The following WLS variants were observed in gnomAD, a reference collection of about 807,000 sequenced individuals.
WLS encodes the protein protein wntless homolog.
In WLS, 23 loss-of-function variants were observed where a neutral mutation model predicts 62.8. That is an observed-to-expected ratio of 0.37 (90% CI 0.26 to 0.52). The LOEUF (loss-of-function observed/expected upper bound fraction) is 0.52, where lower values mean the gene tolerates loss of function less well. Among genes scored for constraint, WLS ranks in the 20% least tolerant of loss-of-function variants. The pLI is 0.92. For missense variants in WLS, 615 were observed against 697.3 expected, an observed-to-expected ratio of 0.88 and a Z score of 1.33; for synonymous variants, 246 against 244.1, an observed-to-expected ratio of 1.01 and a Z score of -0.07.
chr1:68,110,842 T>C (rs775636565), intron 11 of WLS, among the ~76,000 whole-genome samples: 1 of 152,054 alleles, frequency 6.6e-6, no homozygotes, highest in Non-Finnish European at 1.5e-5. Flanking sequence ...GTTATCCATA[T>C]AGGAAAAAAA....
chr1:68,145,880 G>T lies in WLS; in HGVS notation c.1267C>A (p.Leu423Ile). The T allele has an allele frequency of 6.2e-7, 1 of 1,614,168 alleles. No individual in the cohort carries two copies. The highest frequency in any genetic ancestry group is 8.5e-7 in the Non-Finnish European group (1 of 1,180,028). The change falls in exon 9 of 12, where the codon CTA (leucine) becomes ATA (isoleucine). Residue 423 changes from leucine to isoleucine, a missense_variant. Leu to Ile is a conservative substitution (Grantham distance 5). Transcript: ENST00000262348. ...AGAAATCTGCCCACCTCATAGTGTA[G>T]CCGCCGGACTTTGCTCATAGCTGGC... ...SLPAMSKVRR[L>I]HYEGLIFRFK... is the part of the protein sequence containing the mutation.
chr1:68,170,683 C>A (rs1325484688), intron 2 of WLS, among the ~76,000 whole-genome samples: 1 of 150,024 alleles, frequency 6.7e-6, no homozygotes, highest in African/African-American at 2.5e-5. Context: ...CTCTTGCCTT[C>A]TTTTACTCAC....
chr1:68,129,180 C>T (rs1212293664), intron 11 of WLS, among the ~76,000 whole-genome samples: 2 of 152,020 alleles, frequency 1.3e-5, no homozygotes, highest in African/African-American at 4.8e-5. Flanking sequence ...AAAAATTAAC[C>T]GGGTGTGGTG....
intron 5 of WLS, 119 bp downstream of exon 5, chr1:68,153,398 G>T: frequency 7.2e-7 from 1 of 1,397,190 alleles, no homozygotes; most frequent in Non-Finnish European, 9.8e-7. Context: ...ATGACTCCTG[G>T]TCAAATCACT....
intron 2 of WLS, chr1:68,163,238 A>T: frequency 1.8e-6 from 1 of 559,810 alleles, no homozygotes; most frequent in Non-Finnish European, 3.1e-6. Flanking sequence ...ATAAATCTAT[A>T]GTTCACACGA....
intron 11 of WLS, among the ~76,000 whole-genome samples, chr1:68,126,782 A>C (rs947519836): frequency 6.6e-6 from 1 of 152,174 alleles, no homozygotes; most frequent in Admixed American, 6.5e-5. Flanking sequence ...GCAGGCCCAC[A>C]AGAGAGCTGG....
chr1:68,103,861 G>C (rs1254931742), intron 11 of WLS, among the ~76,000 whole-genome samples: 1 of 152,220 alleles, frequency 6.6e-6, no homozygotes, highest in African/African-American at 2.4e-5. Context: ...CTCATTTTGT[G>C]TTTAAACAGC....
chr1:68,129,810 A>G (rs2100392916), intron 11 of WLS, among the ~76,000 whole-genome samples: 1 of 152,268 alleles, frequency 6.6e-6, no homozygotes, highest in Middle Eastern at 3.4e-3. Context: ...GTCTCTTCCC[A>G]TCTCAGACAA....
At chr1:68,158,677 CT>C (rs1290405068) in intron 3 of WLS, among the ~76,000 whole-genome samples, 1 of 152,120 alleles carries the variant, frequency 6.6e-6, no homozygotes, top group African/African-American at 2.4e-5. Context: ...CCGTCCTGGG[CT>C]GCATGCGGCC....
In WLS at chr1:68,193,944, G is replaced by A. The variant is rs1055224450; in HGVS notation, c.379+11C>T. 6.2e-7 allele frequency: 1 copy of A among 1,610,778 alleles called. No individual in the cohort carries two copies. Among genetic ancestry groups the A allele is most frequent in the Non-Finnish European group, 8.5e-7 (1 of 1,177,818 alleles). Reference sequence around the variant, plus strand: ...AAGGGAAGAAAGGGATGAGAGGAGAGTACACTTAACTGATTTGGTTGTTTA... The same window carrying A: ...AAGGGAAGAAAGGGATGAGAGGAGAATACACTTAACTGATTTGGTTGTTTA... On this transcript the variant is annotated intron_variant, in intron 2 of 11. Coordinates refer to ENST00000262348, the MANE Select transcript of WLS (RefSeq NM_024911.7).
intron 2 of WLS, chr1:68,162,906 G>A (rs1354406080): frequency 5.1e-6 from 8 of 1,565,346 alleles, no homozygotes; most frequent in Admixed American, 1.7e-5. Flanking sequence ...CGTGGACTGC[G>A]CGTCACAGAA....
chr1:68,230,032 A>T (rs4655579), intron 1 of WLS, among the ~76,000 whole-genome samples: 29,335 of 152,122 alleles, frequency 0.19, 2,886 homozygotes, highest in Middle Eastern at 0.23. Context: ...TGTTTGGAAC[A>T]GACAAGTGTT....
intron 10 of WLS, among the ~76,000 whole-genome samples, chr1:68,142,018 T>C (rs929678597): frequency 2.6e-5 from 4 of 152,208 alleles, no homozygotes; most frequent in African/African-American, 9.6e-5. Context: ...GAAGCTGTAT[T>C]AGAAAATACT....
At chr1:68,158,194 T>C (rs1216271675) in intron 3 of WLS, among the ~76,000 whole-genome samples, 1 of 152,304 alleles carries the variant, frequency 6.6e-6, no homozygotes, top group Non-Finnish European at 1.5e-5. Context: ...ATTGACTTAA[T>C]AGGTTCTGGG....
At chr1:68,107,133 C>T (rs1182081946) in intron 11 of WLS, among the ~76,000 whole-genome samples, 2 of 152,040 alleles carry the variant, frequency 1.3e-5, no homozygotes, top group African/African-American at 4.8e-5. Flanking sequence ...GAAAATAAGA[C>T]AAAATTATGC....
rs76648533 is a variant in WLS at position 68,162,361 on chromosome 1, T to C, written c.380-3114A>G. On this transcript the variant is annotated intron_variant, in intron 2 of 11. Transcript: ENST00000262348. Reference sequence around the variant, plus strand: ...GAGGTGGTGGTTATGTTCGTTGAGATTGCAGTGCAAGGAGACGCAGTCGCT... The same window carrying C: ...GAGGTGGTGGTTATGTTCGTTGAGACTGCAGTGCAAGGAGACGCAGTCGCT... The C allele has an allele frequency of 1.1e-5, 17 of 1,613,800 alleles. 1 individual carries two copies. The highest frequency in any genetic ancestry group is 1.7e-5 in the Admixed American group (1 of 59,998).
chr1:68,162,150 C>T, intron 2 of WLS: 2 of 1,481,230 alleles, frequency 1.4e-6, no homozygotes, highest in Middle Eastern at 2.4e-4. Flanking sequence ...AGATAAGATT[C>T]GGTGCATCTT....
chr1:68,203,118 A>G (rs1357525094), intron 1 of WLS: 1 of 152,252 alleles, frequency 6.6e-6, no homozygotes, highest in Non-Finnish European at 1.5e-5. Context: ...TATTGTTAAT[A>G]ATAAACATGA....
chr1:68,212,872 C>T (rs1649570746), intron 1 of WLS, among the ~76,000 whole-genome samples: 1 of 152,196 alleles, frequency 6.6e-6, no homozygotes, highest in Non-Finnish European at 1.5e-5. Flanking sequence ...ACTAATTTAA[C>T]ATCCAGTGCT....
Sources: allele counts gnomAD v4.1 joint callset (sites outside exome capture counted in the v4.1 genomes callset), GRCh38; gene constraint gnomAD v4.1.1; transcripts MANE v1.5; gene names NCBI Gene and HGNC (gene_info 2026-07-23, HGNC 2026-07-21).